Variants in NEK7 observed in about 807,000 individuals in gnomAD.
NEK7 encodes the protein NIMA related kinase 7.
A neutral mutation model predicts 44.6 loss-of-function variants in NEK7; 18 were observed. The ratio of observed to expected loss-of-function variants is 0.40; its 90% CI spans 0.28 to 0.60. The LOEUF (loss-of-function observed/expected upper bound fraction) is 0.60. Among genes scored for constraint, NEK7 ranks in the 20% least tolerant of loss-of-function variants. The pLI is 0.38. For synonymous variants in NEK7, 130 were observed against 121.1 expected, an observed-to-expected ratio of 1.07 and a Z score of -0.48; for missense variants, 256 against 366.5, an observed-to-expected ratio of 0.70 and a Z score of 2.46.
At chr1:198,288,375 T>A (rs1654444275) in intron 7 of NEK7, among the ~76,000 whole-genome samples, 1 of 152,278 alleles carries the variant, frequency 6.6e-6, no homozygotes. Flanking sequence ...AATTTTCACA[T>A]GTGGCCCATT....
chr1:198,227,954 C>A (rs966938798), intron 1 of NEK7, among the ~76,000 whole-genome samples: 1 of 152,060 alleles, frequency 6.6e-6, no homozygotes, highest in Non-Finnish European at 1.5e-5. Context: ...ATGCCTATGT[C>A]CTGAATGGTA....
chr1:198,247,531 A>G (rs1255534647), intron 2 of NEK7, among the ~76,000 whole-genome samples: 2 of 152,166 alleles, frequency 1.3e-5, no homozygotes, highest in Non-Finnish European at 2.9e-5. Context: ...GGGACCTTCT[A>G]TCATTGTTGT....
At chr1:198,313,276 G>C (rs1315944174) in intron 9 of NEK7, among the ~76,000 whole-genome samples, 1 of 151,284 alleles carries the variant, frequency 6.6e-6, no homozygotes, top group Non-Finnish European at 1.5e-5. Flanking sequence ...CCCTTTTTTT[G>C]TTTTCGATTT....
rs572801675 is a variant in NEK7, at chr1:198,178,392, A to G, written c.-29+21116A>G. On this transcript the variant is annotated intron_variant, in intron 1 of 9. Coordinates refer to ENST00000367385, the MANE Select transcript of NEK7 (RefSeq NM_133494.3). ...TTTCAGTTCATGCTCTTGAGTTACT[A>G]TATTAATATCAAAGCCTGCAAAAAT... is the stretch of plus-strand genomic sequence containing the variant. Among the ~76,000 whole-genome samples the G allele has an allele frequency of 4.6e-5, 7 of 152,180 alleles. No homozygotes were observed. The East Asian group carries it at 1.2e-3, about 25-fold the overall frequency.
chr1:198,277,946 T>C lies in NEK7; in HGVS notation c.373-15T>C. 3 of 1,506,620 alleles carry C rather than the reference T, an allele frequency of 2.0e-6. No individual in the cohort carries two copies. Among genetic ancestry groups the C allele is most frequent in the Non-Finnish European group, 2.8e-6 (3 of 1,089,494 alleles). The allele number at this position is 1,506,620 out of a possible 1,614,324, so 93.3% of individuals were successfully genotyped here. A position where few individuals can be genotyped will look rare whatever the true frequency, so the allele number is the denominator to read the frequency against. On this transcript the variant is annotated splice_polypyrimidine_tract_variant and intron_variant, in intron 5 of 9. Coordinates refer to ENST00000367385, the MANE Select transcript of NEK7 (RefSeq NM_133494.3). The stretch of plus-strand genomic sequence containing the variant: ...ATTTTAGTTTTTATAGTTCTTATTT[T>C]TAATTTTCAAAAAGCATTTTAAGAA...
chr1:198,304,039 C>T (rs1485756073), intron 9 of NEK7, among the ~76,000 whole-genome samples: 1 of 152,098 alleles, frequency 6.6e-6, no homozygotes, highest in African/African-American at 2.4e-5. Context: ...AAGATTAGAT[C>T]TTTAAGCTTT....
rs151070384 is a variant in NEK7 at position 198,229,358 on chromosome 1, A to T, written c.-28-3195A>T. Among the ~76,000 whole-genome samples the T allele has an allele frequency of 2.4e-3, 368 of 152,258 alleles. 1 individual carries two copies. The highest frequency in any genetic ancestry group is 4.3e-3 in the Non-Finnish European group (291 of 68,038). On this transcript the variant is annotated intron_variant, in intron 1 of 9. Coordinates refer to ENST00000367385, the MANE Select transcript of NEK7 (RefSeq NM_133494.3). The stretch of plus-strand genomic sequence containing the variant: ...TGCTTTGTAATATTCTTTATAATAG[A>T]CTGGTAAACGTATTTCCCCTCCTGA...
chr1:198,308,324 A>G (rs977658649), intron 9 of NEK7, among the ~76,000 whole-genome samples: 5 of 152,168 alleles, frequency 3.3e-5, no homozygotes, highest in African/African-American at 1.2e-4. Flanking sequence ...TATACAATTC[A>G]GTTATCTCGA....
At position 198,219,253 on chromosome 1, in the gene NEK7, A is replaced by G. The variant is rs190200966; in HGVS notation, c.-28-13300A>G. Among the ~76,000 whole-genome samples, 82 of 150,166 alleles carry G rather than the reference A, an allele frequency of 5.5e-4. No individual in the cohort carries two copies. In the East Asian group the frequency reaches 0.016, roughly 29 times the overall value. ...TCTATTAAATTTATGTATATTTTACATAAAAATGTTTATAATTTTCTATTT... is the reference window on the plus strand; with the variant it reads ...TCTATTAAATTTATGTATATTTTACGTAAAAATGTTTATAATTTTCTATTT... On this transcript the variant is annotated intron_variant, in intron 1 of 9. Transcript: ENST00000367385.
intron 1 of NEK7, among the ~76,000 whole-genome samples, chr1:198,216,227 A>G (rs1470195609): frequency 6.6e-6 from 1 of 152,128 alleles, no homozygotes; most frequent in Non-Finnish European, 1.5e-5. Flanking sequence ...AATCACATCA[A>G]TTATATTCTC....
At chr1:198,266,283 G>GT (rs1368465029) in intron 5 of NEK7, among the ~76,000 whole-genome samples, 6 of 152,148 alleles carry the variant, frequency 3.9e-5, no homozygotes, top group Admixed American at 6.6e-5. Context: ...ACATTGCCGA[G>GT]TAAGAGTATG....
At chr1:198,252,104 C>G (rs1653025914) in intron 2 of NEK7, among the ~76,000 whole-genome samples, 1 of 152,030 alleles carries the variant, frequency 6.6e-6, no homozygotes, top group Non-Finnish European at 1.5e-5. Flanking sequence ...CAAAGAACAT[C>G]TTTATTTCTG....
At chr1:198,204,165 C>T (rs1033863475) in intron 1 of NEK7, among the ~76,000 whole-genome samples, 3 of 152,050 alleles carry the variant, frequency 2.0e-5, no homozygotes, top group African/African-American at 4.8e-5. Context: ...GAGGCTGGAG[C>T]GGGAGGATCT....
chr1:198,202,380 T>G (rs1002263974), intron 1 of NEK7, among the ~76,000 whole-genome samples: 2 of 152,170 alleles, frequency 1.3e-5, no homozygotes, highest in Admixed American at 1.3e-4. Context: ...AAATCCTGTG[T>G]GGAAACTCAT....
chr1:198,173,617 A>G (rs991308929), intron 1 of NEK7, among the ~76,000 whole-genome samples: 6 of 152,124 alleles, frequency 3.9e-5, no homozygotes, highest in Non-Finnish European at 7.3e-5. Context: ...GCCTCTTAGT[A>G]TAGACCATCT....
chr1:198,222,916 G>C (rs376038849), intron 1 of NEK7, among the ~76,000 whole-genome samples: 8 of 152,092 alleles, frequency 5.3e-5, no homozygotes, highest in African/African-American at 1.7e-4. Flanking sequence ...CTACTTTGGC[G>C]AGGGCAGTTA....
intron 1 of NEK7, among the ~76,000 whole-genome samples, chr1:198,171,042 A>G (rs978802393): frequency 6.6e-6 from 1 of 152,222 alleles, no homozygotes; most frequent in Non-Finnish European, 1.5e-5. Flanking sequence ...TTGAGATTAC[A>G]GGCATGAGCC....
At position 198,279,060 on chromosome 1, in the gene NEK7, A is replaced by G. The variant is rs772989091; in HGVS notation, c.588A>G (p.Leu196=). 6.3e-7 allele frequency: 1 copy of G among 1,579,282 alleles called. No individual in the cohort carries two copies. Among genetic ancestry groups the G allele is most frequent in the Admixed American group, 1.7e-5 (1 of 59,716 alleles). ...FSSKTTAAHS[L]VGTPYYMSPE... is the part of the protein sequence containing the mutation. ...CAAAAACCACAGCTGCACATTCTTT[A>G]GGTAAGAGACACAATATAATTTCAT... The change falls in exon 7 of 10, where the codon TTA becomes TTG. Residue 196 remains leucine, a splice_region_variant and synonymous_variant. Coordinates refer to ENST00000367385, the MANE Select transcript of NEK7 (RefSeq NM_133494.3).
At chr1:198,287,429 G>C (rs1654410135) in intron 7 of NEK7, among the ~76,000 whole-genome samples, 1 of 152,066 alleles carries the variant, frequency 6.6e-6, no homozygotes, top group Non-Finnish European at 1.5e-5. Context: ...AAAAGCTAGA[G>C]AGGTTCTGTG....
Sources: allele counts gnomAD v4.1 joint callset (sites outside exome capture counted in the v4.1 genomes callset), GRCh38; gene constraint gnomAD v4.1.1; transcripts MANE v1.5; gene names NCBI Gene and HGNC (gene_info 2026-07-23, HGNC 2026-07-21).